The following ZBBX variants were observed in gnomAD, a reference collection of about 807,000 sequenced individuals.
ZBBX encodes zinc finger B-box domain-containing protein 1.
A neutral mutation model predicts 108.5 loss-of-function variants in ZBBX; 101 were observed. That is an observed-to-expected ratio of 0.93 (90% CI 0.79 to 1.10). The LOEUF (loss-of-function observed/expected upper bound fraction) is 1.10, where lower values mean the gene tolerates loss of function less well. Among genes scored for constraint, ZBBX ranks in the 50% least tolerant of loss-of-function variants. The probability of loss-of-function intolerance (pLI) is 0.00; values close to 1 mark genes in which losing one functional copy is unlikely to be tolerated. For synonymous variants in ZBBX, 356 were observed against 323.4 expected, an observed-to-expected ratio of 1.10 and a Z score of -1.08; for missense variants, 1,009 against 941.4, an observed-to-expected ratio of 1.07 and a Z score of -0.94.
At chr3:167,374,098 G>A (rs1169131429) in intron 2 of ZBBX, among the ~76,000 whole-genome samples, 1 of 152,004 alleles carries the variant, frequency 6.6e-6, no homozygotes, top group Non-Finnish European at 1.5e-5. Flanking sequence ...AGAGAGAAAC[G>A]AAAAGAATCT....
chr3:167,198,487 C>T, the ZBBX span, among the ~76,000 whole-genome samples: 1 of 152,010 alleles, frequency 6.6e-6, no homozygotes, highest in African/African-American at 2.4e-5. Context: ...TGGTACATTT[C>T]TTTTAAAAGT....
intron 9 of ZBBX, among the ~76,000 whole-genome samples, chr3:167,342,673 G>A (rs1296929925): frequency 6.6e-6 from 1 of 151,382 alleles, no homozygotes. Context: ...TCTAATTTCT[G>A]CTTCTATAAA....
Position 167,298,160 on chromosome 3 carries a change from C to T in ZBBX, c.1879+145G>A, listed in dbSNP as rs187363644. 132 of 537,446 alleles carry T rather than the reference C, an allele frequency of 2.5e-4. 2 individuals are homozygous for T. In the Admixed American group the frequency reaches 4.1e-3, roughly 17 times the overall value. 33.3% of individuals were successfully genotyped at this position (537,446 alleles called of 1,614,324 possible). On this transcript the variant is annotated intron_variant, in intron 18 of 21. Coordinates refer to ENST00000675490, the MANE Select transcript of ZBBX (RefSeq NM_001199201.2). ...ATAGTTTCTCACATTCTGATAGTAA[C>T]CTTAAATGTAAATATATGGCAACTA...
At chr3:167,322,979 G>T (rs1736697319) in intron 11 of ZBBX, among the ~76,000 whole-genome samples, 1 of 151,960 alleles carries the variant, frequency 6.6e-6, no homozygotes, top group African/African-American at 2.4e-5. Flanking sequence ...ATGATTAACT[G>T]CCAGAAACAG....
At chr3:167,407,300 G>C (rs1302346609) in intron 1 of ZBBX, among the ~76,000 whole-genome samples, 2 of 152,086 alleles carry the variant, frequency 1.3e-5, no homozygotes, top group East Asian at 3.8e-4. Context: ...TGATATTAAT[G>C]CTAAAATATT....
intron 12 of ZBBX, among the ~76,000 whole-genome samples, chr3:167,318,398 T>C (rs950314733): frequency 7.2e-5 from 11 of 151,940 alleles, no homozygotes; most frequent in African/African-American, 2.7e-4. Flanking sequence ...AGATATTAAA[T>C]AGGCACTAGT....
chr3:167,252,008 A>T, intron 20 of ZBBX: 1 of 525,728 alleles, frequency 1.9e-6, no homozygotes, highest in Admixed American at 3.3e-5. Context: ...TATCAGCCAC[A>T]GCAATCAGAA....
chr3:167,317,174 A>G, intron 13 of ZBBX, 69 bp from the exon 14 acceptor site: 3 of 1,064,172 alleles, frequency 2.8e-6, no homozygotes, highest in South Asian at 1.5e-5. Context: ...TTCAAATAAG[A>G]TAGCCACCAA....
intron 11 of ZBBX, among the ~76,000 whole-genome samples, chr3:167,322,832 G>GT (rs1337273242): frequency 6.6e-6 from 1 of 151,840 alleles, no homozygotes; most frequent in Non-Finnish European, 1.5e-5. Flanking sequence ...ACCCTCCCAC[G>GT]TATCGTTCCT....
intron 1 of ZBBX, among the ~76,000 whole-genome samples, chr3:167,387,635 G>A (rs771930111): frequency 2.0e-5 from 3 of 152,132 alleles, no homozygotes; most frequent in South Asian, 2.1e-4. Context: ...CTCAAGAGAC[G>A]TGGAGAAAGA....
At chr3:167,348,258 G>GA in intron 9 of ZBBX, among the ~76,000 whole-genome samples, 1 of 96,054 alleles carries the variant, frequency 1.0e-5, no homozygotes, top group South Asian at 4.0e-4. Flanking sequence ...AGGGAGGGTG[G>GA]AAGGGAAGGA....
intron 2 of ZBBX, among the ~76,000 whole-genome samples, chr3:167,378,287 A>T (rs1339683854): frequency 6.6e-6 from 1 of 152,160 alleles, no homozygotes; most frequent in East Asian, 1.9e-4. Flanking sequence ...CAAGTTGCCC[A>T]TTTTTTATGC....
the ZBBX span, among the ~76,000 whole-genome samples, chr3:167,221,978 A>G: frequency 6.6e-6 from 1 of 152,010 alleles, no homozygotes; most frequent in Non-Finnish European, 1.5e-5. Context: ...GATGTAAATT[A>G]GTACAACCAC....
chr3:167,405,444 T>C (rs1292337545), intron 1 of ZBBX, among the ~76,000 whole-genome samples: 3 of 152,152 alleles, frequency 2.0e-5, no homozygotes, highest in Non-Finnish European at 4.4e-5. Flanking sequence ...TTTAAGAAGA[T>C]AATGTCGAAG....
intron 14 of ZBBX, among the ~76,000 whole-genome samples, chr3:167,316,171 T>C (rs1052296837): frequency 6.6e-6 from 1 of 152,130 alleles, no homozygotes; most frequent in Non-Finnish European, 1.5e-5. Context: ...AACAATGTAA[T>C]GAATGGCATG....
At chr3:167,295,218 T>C (rs942867071) in intron 18 of ZBBX, among the ~76,000 whole-genome samples, 1 of 152,168 alleles carries the variant, frequency 6.6e-6, no homozygotes, top group East Asian at 1.9e-4. Context: ...TTATAAATCA[T>C]TATATTATAA....
chr3:167,194,048 A>G, the ZBBX span, among the ~76,000 whole-genome samples: 6 of 152,006 alleles, frequency 3.9e-5, no homozygotes, highest in African/African-American at 1.2e-4. Flanking sequence ...TTAGTGTTCA[A>G]TAACTGGTAG....
At chr3:167,275,690 C>T (rs549309943) in intron 20 of ZBBX, among the ~76,000 whole-genome samples, 105 of 152,190 alleles carry the variant, frequency 6.9e-4, no homozygotes, top group Admixed American at 1.4e-3. Context: ...AAGGTGGCAG[C>T]GAGGCTGGGG....
the ZBBX span, among the ~76,000 whole-genome samples, chr3:167,234,804 C>T: frequency 6.6e-6 from 1 of 151,700 alleles, no homozygotes; most frequent in Non-Finnish European, 1.5e-5. Flanking sequence ...TCCACTTAAT[C>T]AACCACATTT....
Sources: gnomAD v4.1 joint callset for allele counts (sites outside exome capture counted in the v4.1 genomes callset) on GRCh38, gnomAD v4.1.1 for gene constraint, MANE v1.5 for transcripts, NCBI Gene and HGNC (gene_info 2026-07-23, HGNC 2026-07-21) for gene names.